Variants in YAE1 observed in about 807,000 individuals in gnomAD.
The protein encoded by YAE1 is protein YAE1 homolog.
A neutral mutation model predicts 23.0 loss-of-function variants in YAE1; 22 were observed. That is an observed-to-expected ratio of 0.96 (90% CI 0.68 to 1.37). The LOEUF (loss-of-function observed/expected upper bound fraction) is 1.37, where lower values mean the gene tolerates loss of function less well. Among genes scored for constraint, YAE1 ranks in the 40% most tolerant of loss-of-function variants. YAE1 has a pLI of 0.00. For synonymous variants in YAE1, 101 were observed against 97.0 expected, an observed-to-expected ratio of 1.04 and a Z score of -0.24; for missense variants, 260 against 262.1, an observed-to-expected ratio of 0.99 and a Z score of 0.06.
At chr7:39,599,627 T>C (rs1297339233) in intron 2 of YAE1, among the ~76,000 whole-genome samples, 1 of 152,116 alleles carries the variant, frequency 6.6e-6, no homozygotes, top group Non-Finnish European at 1.5e-5. Flanking sequence ...TATAGAATTA[T>C]AGTAAGTTAA....
chr7:39,574,408 G>T (rs947099635), downstream of YAE1, among the ~76,000 whole-genome samples: 2 of 152,006 alleles, frequency 1.3e-5, no homozygotes, highest in African/African-American at 4.8e-5. Flanking sequence ...GACCAGGCTG[G>T]GCAACATAGT....
intron 2 of YAE1, among the ~76,000 whole-genome samples, chr7:39,586,042 G>A (rs1790809223): frequency 6.6e-6 from 1 of 152,112 alleles, no homozygotes; most frequent in Non-Finnish European, 1.5e-5. Context: ...CAAGGCTGCT[G>A]TAAGCCGCGA....
intron 2 of YAE1, among the ~76,000 whole-genome samples, chr7:39,578,821 A>G (rs1418662681): frequency 6.6e-5 from 10 of 152,250 alleles, no homozygotes; most frequent in African/African-American, 2.4e-4. Flanking sequence ...CTACATCGTC[A>G]TACACCAGGC....
At position 39,598,341 on chromosome 7, in the gene YAE1, C is replaced by A. The variant is rs530439916; in HGVS notation, c.252-11276C>A. ...GCCAGGCTGGTCTCAAACTCCCGACCTCAAGTGATCCACCTGCCTCGCCTT... is the reference window on the plus strand; with the variant it reads ...GCCAGGCTGGTCTCAAACTCCCGACATCAAGTGATCCACCTGCCTCGCCTT... On this transcript the variant is annotated intron_variant, in intron 2 of 2. Coordinates refer to the YAE1 transcript ENST00000432096. Among the ~76,000 whole-genome samples, 6 of 151,648 alleles carry A rather than the reference C, an allele frequency of 4.0e-5. No homozygotes were observed. The South Asian group carries it at 1.0e-3, about 26-fold the overall frequency.
At chr7:39,605,933 C>CT (rs565791980) in intron 2 of YAE1, among the ~76,000 whole-genome samples, 13 of 151,668 alleles carry the variant, frequency 8.6e-5, no homozygotes, top group South Asian at 4.2e-4. Context: ...CATCAGAGTT[C>CT]TTTTTTTTGT....
chr7:39,592,268 A>G (rs556886429), intron 2 of YAE1, among the ~76,000 whole-genome samples: 84 of 152,370 alleles, frequency 5.5e-4, no homozygotes, highest in East Asian at 3.9e-4. Context: ...ACTATCTTCC[A>G]GAGTTGCTCT....
intron 2 of YAE1, among the ~76,000 whole-genome samples, chr7:39,582,461 A>G (rs1207682838): frequency 6.6e-6 from 1 of 152,226 alleles, no homozygotes; most frequent in Non-Finnish European, 1.5e-5. Context: ...GTAGAAGCCA[A>G]TTAAAAGTAT....
downstream of YAE1, among the ~76,000 whole-genome samples, chr7:39,574,623 C>A (rs1790625312): frequency 2.0e-5 from 3 of 150,752 alleles, no homozygotes; most frequent in Non-Finnish European, 4.4e-5. Context: ...ATCCCAGCTA[C>A]TGGGGAGGCT....
At chr7:39,597,100 T>A (rs973163961) in intron 2 of YAE1, among the ~76,000 whole-genome samples, 1 of 152,258 alleles carries the variant, frequency 6.6e-6, no homozygotes, top group South Asian at 2.1e-4. Context: ...GCTTGTCCCT[T>A]AAAGGAAATC....
At chr7:39,583,696 G>C (rs1206673201) in intron 2 of YAE1, among the ~76,000 whole-genome samples, 1 of 152,198 alleles carries the variant, frequency 6.6e-6, no homozygotes, top group Non-Finnish European at 1.5e-5. Context: ...CTTTCCAAAT[G>C]TGTAAGATCT....
chr7:39,577,789 A>G (rs1184325239), downstream of YAE1, among the ~76,000 whole-genome samples: 1 of 152,224 alleles, frequency 6.6e-6, no homozygotes, highest in East Asian at 1.9e-4. Context: ...GTGCGGGTGC[A>G]CGGTGCGGGA....
chr7:39,594,293 C>T (rs571570200), intron 2 of YAE1, among the ~76,000 whole-genome samples: 2 of 152,294 alleles, frequency 1.3e-5, no homozygotes, highest in South Asian at 4.1e-4. Context: ...TCTTCTCCCT[C>T]ACATTCCAGC....
chr7:39,610,862 T>A (rs1474612283), downstream of YAE1, among the ~76,000 whole-genome samples: 1 of 152,154 alleles, frequency 6.6e-6, no homozygotes, highest in Non-Finnish European at 1.5e-5. Context: ...TAAATTAGGA[T>A]GCAGGCTGGG....
chr7:39,577,846 A>T (rs1411082636), downstream of YAE1, among the ~76,000 whole-genome samples: 2 of 152,252 alleles, frequency 1.3e-5, no homozygotes, highest in East Asian at 3.9e-4. Flanking sequence ...CCACGAGGTG[A>T]AGCCAGCTGG....
chr7:39,590,445 G>A (rs891532962), intron 2 of YAE1, among the ~76,000 whole-genome samples: 4 of 152,092 alleles, frequency 2.6e-5, no homozygotes, highest in Non-Finnish European at 5.9e-5. Flanking sequence ...GAGCTAAGAG[G>A]ATAAACCCAC....
At chr7:39,593,284 G>A (rs929525572) in intron 2 of YAE1, among the ~76,000 whole-genome samples, 3 of 141,852 alleles carry the variant, frequency 2.1e-5, no homozygotes, top group African/African-American at 5.3e-5. Flanking sequence ...TCCTGGGTTC[G>A]AGTTATTCAT....
chr7:39,607,721 T>A (rs1174325260), intron 2 of YAE1, among the ~76,000 whole-genome samples: 3 of 152,184 alleles, frequency 2.0e-5, no homozygotes, highest in Non-Finnish European at 2.9e-5. Flanking sequence ...CAGGCTGGAG[T>A]GCAATGGCAC....
chr7:39,575,573 A>AGAGAGAGAGAGAGT, downstream of YAE1, among the ~76,000 whole-genome samples: 2 of 90,932 alleles, frequency 2.2e-5, no homozygotes, highest in South Asian at 6.0e-4. Flanking sequence ...AGAGAGAGAG[A>AGAGAGAGAGAGAGT]GAGAGTGAGT....
At chr7:39,610,336 C>A (rs1791193071), downstream of YAE1, 2 of 476,530 alleles carry the variant, frequency 4.2e-6, no homozygotes, top group South Asian at 1.6e-5. Flanking sequence ...GGTTGCTATA[C>A]ATTTTTTGCA....
Sources: gnomAD v4.1 joint callset for allele counts (sites outside exome capture counted in the v4.1 genomes callset) on GRCh38, gnomAD v4.1.1 for gene constraint, MANE v1.5 for transcripts, NCBI Gene and HGNC (gene_info 2026-07-23, HGNC 2026-07-21) for gene names.